The following CNTNAP2 variants were observed in gnomAD, a reference collection of about 807,000 sequenced individuals.
CNTNAP2 encodes contactin-associated protein-like 2.
In CNTNAP2, 98 loss-of-function variants were observed where a neutral mutation model predicts 155.2. The ratio of observed to expected loss-of-function variants is 0.63; its 90% CI spans 0.54 to 0.75. The LOEUF is 0.75. CNTNAP2 is among the 30% of genes least tolerant of loss of function. The pLI is 0.00. For synonymous variants in CNTNAP2, 651 were observed against 631.2 expected, an observed-to-expected ratio of 1.03 and a Z score of -0.47; for missense variants, 1,727 against 1,688.1, an observed-to-expected ratio of 1.02 and a Z score of -0.40.
intron 18 of CNTNAP2, among the ~76,000 whole-genome samples, chr7:148,192,446 G>A (rs1277211686): frequency 6.7e-6 from 1 of 150,018 alleles, no homozygotes; most frequent in East Asian, 2.0e-4. Flanking sequence ...AATGATTACA[G>A]AAAAACGCAA....
chr7:147,623,477 C>A (rs1293229652), intron 12 of CNTNAP2, among the ~76,000 whole-genome samples: 1 of 151,550 alleles, frequency 6.6e-6, no homozygotes, highest in Non-Finnish European at 1.5e-5. Flanking sequence ...CAATCTGAAA[C>A]AAAAAAATCA....
chr7:148,353,487 T>G (rs1339511000), intron 21 of CNTNAP2, among the ~76,000 whole-genome samples: 1 of 152,240 alleles, frequency 6.6e-6, no homozygotes, highest in African/African-American at 2.4e-5. Context: ...CAAAACCTCC[T>G]CTACATATTA....
Position 146,907,641 on chromosome 7 carries a change from C to A in CNTNAP2, c.402+67737C>A, listed in dbSNP as rs879256389. 9.1e-4 allele frequency among the ~76,000 whole-genome samples: 137 copies of A among 149,938 alleles called. 2 individuals carry two copies. The highest frequency in any genetic ancestry group is 2.1e-3 in the Admixed American group (31 of 14,956). The stretch of plus-strand genomic sequence containing the variant: ...CACCAAGCCTGCCCTAAAAGAGCTC[C>A]TGAAGGAAGCGCTAAACATGGAAAG... On this transcript the variant is annotated intron_variant, in intron 3 of 23. Transcript: ENST00000361727.
chr7:146,707,645 T>A (rs145709717), intron 1 of CNTNAP2, among the ~76,000 whole-genome samples: 1 of 152,302 alleles, frequency 6.6e-6, no homozygotes, highest in African/African-American at 2.4e-5. Context: ...TCTTTAAATT[T>A]TTAGTTCAAC....
At chr7:146,924,594 T>C (rs1051704411) in intron 3 of CNTNAP2, among the ~76,000 whole-genome samples, 6 of 152,102 alleles carry the variant, frequency 3.9e-5, no homozygotes, top group Non-Finnish European at 8.8e-5. Context: ...CCAGCCACTA[T>C]TACTAAAGAA....
chr7:146,240,032 T>G (rs1320484260), intron 1 of CNTNAP2, among the ~76,000 whole-genome samples: 1 of 152,228 alleles, frequency 6.6e-6, no homozygotes, highest in Admixed American at 6.5e-5. Flanking sequence ...TCAGAATATC[T>G]TATATAACCC....
chr7:146,614,907 C>T (rs530983913), intron 1 of CNTNAP2, among the ~76,000 whole-genome samples: 4 of 152,002 alleles, frequency 2.6e-5, no homozygotes, highest in Non-Finnish European at 4.4e-5. Flanking sequence ...CAGTTATCTG[C>T]GTATATCTAT....
chr7:147,230,570 C>G (rs529586216), intron 8 of CNTNAP2, among the ~76,000 whole-genome samples: 7 of 152,010 alleles, frequency 4.6e-5, no homozygotes, highest in African/African-American at 1.7e-4. Flanking sequence ...ATTGACATAA[C>G]GATTATACAT....
chr7:146,987,097 T>C (rs1359598179), intron 3 of CNTNAP2, among the ~76,000 whole-genome samples: 1 of 152,208 alleles, frequency 6.6e-6, no homozygotes, highest in East Asian at 1.9e-4. Flanking sequence ...AATAATTTTA[T>C]TAAATTCAAA....
intron 15 of CNTNAP2, among the ~76,000 whole-genome samples, chr7:148,105,824 T>G (rs1018815936): frequency 2.0e-5 from 3 of 152,280 alleles, no homozygotes; most frequent in African/African-American, 7.2e-5. Context: ...TGACCTCAGG[T>G]GATCCACCCA....
chr7:146,425,905 G>C (rs1307349261), intron 1 of CNTNAP2, among the ~76,000 whole-genome samples: 1 of 151,554 alleles, frequency 6.6e-6, no homozygotes, highest in Non-Finnish European at 1.5e-5. Context: ...ACAAAAAAAG[G>C]CTGGGCCTGG....
At chr7:147,969,635 CAG>C (rs1227564192) in intron 14 of CNTNAP2, among the ~76,000 whole-genome samples, 5 of 152,200 alleles carry the variant, frequency 3.3e-5, no homozygotes, top group Admixed American at 6.5e-5. Context: ...GAGACTTGGA[CAG>C]AGGGCATGTA....
At position 147,658,223 on chromosome 7, in the gene CNTNAP2, C is replaced by G. The variant is rs568367378; in HGVS notation, c.2098+18917C>G. ...AGTGAGCCGAGATCCCGCCACTGCA[C>G]TCCAGCCTGGGAGACAGAGCGAGAC... On this transcript the variant is annotated intron_variant, in intron 13 of 23. Transcript: ENST00000361727. 5.6e-3 allele frequency among the ~76,000 whole-genome samples: 622 copies of G among 110,518 alleles called. 15 individuals are homozygous for G. The highest frequency in any genetic ancestry group is 0.018 in the African/African-American group (596 of 32,362). The allele number at this position is 110,518 out of a possible 152,430, so 72.5% of individuals were successfully genotyped here. A position where few individuals can be genotyped will look rare whatever the true frequency, so the allele number is the denominator to read the frequency against.
At chr7:146,937,369 T>TAAAA (rs1796940536) in intron 3 of CNTNAP2, among the ~76,000 whole-genome samples, 1 of 145,518 alleles carries the variant, frequency 6.9e-6, no homozygotes, top group South Asian at 2.2e-4. Flanking sequence ...AAAATAAAAA[T>TAAAA]AAAATAAAAT....
At chr7:146,775,721 G>A (rs1353626255) in intron 2 of CNTNAP2, among the ~76,000 whole-genome samples, 2 of 151,774 alleles carry the variant, frequency 1.3e-5, no homozygotes, top group Admixed American at 1.3e-4. Context: ...AGAAAAGAAA[G>A]GCATATCAGA....
intron 1 of CNTNAP2, among the ~76,000 whole-genome samples, chr7:146,721,875 G>GTGTGTATATGTATATATA (rs1332551916): frequency 1.3e-5 from 1 of 76,658 alleles, no homozygotes; most frequent in East Asian, 2.7e-4. Flanking sequence ...GTGTGTGTGT[G>GTGTGTATATGTATATATA]TATATATATA....
intron 1 of CNTNAP2, among the ~76,000 whole-genome samples, chr7:146,485,699 T>C (rs1797044584): frequency 6.6e-6 from 1 of 152,136 alleles, no homozygotes; most frequent in Non-Finnish European, 1.5e-5. Flanking sequence ...CTTGGCTCAC[T>C]GCAGCCTCCA....
At chr7:146,510,623 A>C (rs1268400511) in intron 1 of CNTNAP2, among the ~76,000 whole-genome samples, 1 of 152,088 alleles carries the variant, frequency 6.6e-6, no homozygotes, top group African/African-American at 2.4e-5. Context: ...CAGATATGGG[A>C]TATCTTTCCA....
At chr7:146,171,081 C>T (rs1562976186) in intron 1 of CNTNAP2, among the ~76,000 whole-genome samples, 1 of 152,008 alleles carries the variant, frequency 6.6e-6, no homozygotes, top group Non-Finnish European at 1.5e-5. Flanking sequence ...GGATATTCAC[C>T]TAGCAAGGGA....
Sources: gnomAD v4.1 joint callset for allele counts (sites outside exome capture counted in the v4.1 genomes callset) on GRCh38, gnomAD v4.1.1 for gene constraint, MANE v1.5 for transcripts, NCBI Gene and HGNC (gene_info 2026-07-23, HGNC 2026-07-21) for gene names.